Variants in SFMBT1 observed in about 807,000 individuals in gnomAD.
SFMBT1 encodes scm-like with four MBT domains protein 1.
In SFMBT1, 32 loss-of-function variants were observed where a neutral mutation model predicts 108.7. That is an observed-to-expected ratio of 0.29 (90% CI 0.22 to 0.40). The LOEUF (loss-of-function observed/expected upper bound fraction) is 0.40. Among genes scored for constraint, SFMBT1 ranks in the 10% least tolerant of loss-of-function variants. SFMBT1 has a pLI of 1.00. For synonymous variants in SFMBT1, 348 were observed against 369.5 expected, an observed-to-expected ratio of 0.94 and a Z score of 0.67; for missense variants, 816 against 1,059.6, an observed-to-expected ratio of 0.77 and a Z score of 3.19.
At chr3:53,007,823 T>C (rs916186020) in intron 1 of SFMBT1, among the ~76,000 whole-genome samples, 1 of 152,182 alleles carries the variant, frequency 6.6e-6, no homozygotes, top group African/African-American at 2.4e-5. Context: ...AAATTGTATG[T>C]CACCTACTAG....
At chr3:52,950,925 G>A (rs982338691) in intron 3 of SFMBT1, among the ~76,000 whole-genome samples, 2 of 151,640 alleles carry the variant, frequency 1.3e-5, no homozygotes, top group Admixed American at 6.6e-5. Context: ...ACCAGCCTGG[G>A]CAACATAGCA....
chr3:52,942,840 A>T (rs987420424), intron 4 of SFMBT1, among the ~76,000 whole-genome samples: 1 of 152,200 alleles, frequency 6.6e-6, no homozygotes, highest in African/African-American at 2.4e-5. Flanking sequence ...TTAAATCCGG[A>T]GTCCTCTTAT....
intron 16 of SFMBT1, among the ~76,000 whole-genome samples, chr3:52,911,952 A>T (rs1702225812): frequency 6.6e-6 from 1 of 152,056 alleles, no homozygotes; most frequent in African/African-American, 2.4e-5. Flanking sequence ...CGCCCACCTC[A>T]GCCTCCCAGA....
At chr3:53,023,956 T>C (rs1242694095) in intron 1 of SFMBT1, among the ~76,000 whole-genome samples, 2 of 152,196 alleles carry the variant, frequency 1.3e-5, no homozygotes, top group African/African-American at 4.8e-5. Context: ...AAATTCTTAG[T>C]GAGCAACTAC....
chr3:52,934,802 G>GTAA lies in SFMBT1; in HGVS notation c.453+8_453+10dup. ...GTTTTCCATGCTGATGTGGCATGTA[G>GTAA]TAATACTCACGCCCTCTAGCAGCGG... On this transcript the variant is annotated intron_variant, in intron 5 of 20. Coordinates refer to ENST00000394752, the MANE Select transcript of SFMBT1 (RefSeq NM_016329.4). The GTAA allele has an allele frequency of 1.2e-6, 2 of 1,607,338 alleles. No homozygotes were observed. The highest frequency in any genetic ancestry group is 1.7e-6 in the Non-Finnish European group (2 of 1,175,250).
rs573926314 is a variant in SFMBT1 at position 52,907,898 on chromosome 3, G to A, written c.1907-165C>T. Among the ~76,000 whole-genome samples the A allele has an allele frequency of 7.2e-5, 11 of 152,200 alleles. 1 individual carries two copies. The South Asian group carries it at 1.9e-3, about 26-fold the overall frequency. On this transcript the variant is annotated intron_variant, in intron 17 of 20. Coordinates refer to ENST00000394752, the MANE Select transcript of SFMBT1 (RefSeq NM_016329.4). Reference sequence around the variant, plus strand: ...AGATCTGAAGTGCACGGTTTGACTAGTACTGAATGATCCCTCCATATCAAA... The same window carrying A: ...AGATCTGAAGTGCACGGTTTGACTAATACTGAATGATCCCTCCATATCAAA...
At chr3:52,943,639 A>C (rs749801650) in intron 3 of SFMBT1, 46 bp from the exon 4 acceptor site, 1 of 1,613,066 alleles carries the variant, frequency 6.2e-7, no homozygotes, top group Non-Finnish European at 8.5e-7. Flanking sequence ...ATCTTAAATG[A>C]GTATTTCTTT....
intron 1 of SFMBT1, among the ~76,000 whole-genome samples, chr3:52,997,747 T>C (rs1356069095): frequency 6.7e-6 from 1 of 150,358 alleles, no homozygotes; most frequent in Non-Finnish European, 1.5e-5. Flanking sequence ...GGATGCATTG[T>C]CTGTAAATGA....
intron 2 of SFMBT1, among the ~76,000 whole-genome samples, chr3:52,959,206 G>A (rs1429033387): frequency 6.6e-6 from 1 of 152,134 alleles, no homozygotes; most frequent in East Asian, 1.9e-4. Flanking sequence ...GTTGATAGGT[G>A]CAGCAAATCA....
chr3:52,961,301 G>A lies in SFMBT1; in HGVS notation c.29-6890C>T, dbSNP rs541225757. Reference sequence around the variant, plus strand: ...GGCTAGGGAAACTGGGGAATGGGGAGTTACTGTTGAACAGGTATACCTTTC... The same window carrying A: ...GGCTAGGGAAACTGGGGAATGGGGAATTACTGTTGAACAGGTATACCTTTC... On this transcript the variant is annotated intron_variant, in intron 2 of 20. Transcript: ENST00000394752. Among the ~76,000 whole-genome samples the A allele has an allele frequency of 2.0e-5, 3 of 152,332 alleles. No homozygotes were observed. In the South Asian group the frequency reaches 6.2e-4, roughly 32 times the overall value.
chr3:52,982,729 C>CAAAAAAAAAAAAAAAAAAAAAAAA (rs34099481), intron 1 of SFMBT1, among the ~76,000 whole-genome samples: 9 of 69,112 alleles, frequency 1.3e-4, no homozygotes, highest in African/African-American at 4.5e-4. Context: ...ACTCCCATCT[C>CAAAAAAAAAAAAAAAAAAAAAAAA]AAAAAAAAAA....
At chr3:52,910,889 C>A in intron 17 of SFMBT1, 114 bp downstream of exon 17, 1 of 822,734 alleles carries the variant, frequency 1.2e-6, no homozygotes, top group Admixed American at 2.2e-5. Context: ...TGGCCCTTTA[C>A]AGAAGAAGTT....
At chr3:53,036,217 G>A (rs952835371) in intron 1 of SFMBT1, among the ~76,000 whole-genome samples, 1 of 152,218 alleles carries the variant, frequency 6.6e-6, no homozygotes, top group Admixed American at 6.5e-5. Flanking sequence ...AGTCCTGCCT[G>A]GGAGGAGAGG....
At chr3:52,905,725 G>A in intron 20 of SFMBT1, among the ~76,000 whole-genome samples, 1 of 152,140 alleles carries the variant, frequency 6.6e-6, no homozygotes, top group East Asian at 1.9e-4. Flanking sequence ...TTATTTCAAT[G>A]TTTAAGGCCA....
chr3:53,024,361 C>A (rs148867141), intron 1 of SFMBT1, among the ~76,000 whole-genome samples: 2 of 152,014 alleles, frequency 1.3e-5, no homozygotes, highest in Non-Finnish European at 2.9e-5. Context: ...GCATTCCAGG[C>A]GAGGGAAGAT....
chr3:53,041,388 C>A (rs539048028), intron 1 of SFMBT1, among the ~76,000 whole-genome samples: 3 of 152,012 alleles, frequency 2.0e-5, no homozygotes, highest in Non-Finnish European at 4.4e-5. Flanking sequence ...ACAACCTGAC[C>A]ACATTCTTTC....
chr3:53,005,626 A>G (rs556742460), intron 1 of SFMBT1, among the ~76,000 whole-genome samples: 17 of 152,164 alleles, frequency 1.1e-4, no homozygotes, highest in Non-Finnish European at 2.4e-4. Context: ...TTTAATTTTG[A>G]AAAACAGAGG....
At chr3:53,039,539 T>C (rs983920586) in intron 1 of SFMBT1, among the ~76,000 whole-genome samples, 5 of 152,172 alleles carry the variant, frequency 3.3e-5, no homozygotes, top group African/African-American at 4.8e-5. Context: ...AGATGGATGG[T>C]GGTAATGGTT....
At chr3:52,922,224 A>G (rs998112738) in intron 10 of SFMBT1, among the ~76,000 whole-genome samples, 1 of 152,116 alleles carries the variant, frequency 6.6e-6, no homozygotes, top group African/African-American at 2.4e-5. Flanking sequence ...AACACTGTTG[A>G]CTCACTTCCC....
Sources: gnomAD v4.1 joint callset for allele counts (sites outside exome capture counted in the v4.1 genomes callset) on GRCh38, gnomAD v4.1.1 for gene constraint, MANE v1.5 for transcripts, NCBI Gene and HGNC (gene_info 2026-07-23, HGNC 2026-07-21) for gene names.